Variants in PDZD2 observed in about 807,000 individuals in gnomAD.
PDZD2 encodes the protein PDZ domain-containing protein 2.
In PDZD2, 90 loss-of-function variants were observed where a neutral mutation model predicts 220.7. The ratio of observed to expected loss-of-function variants is 0.41; its 90% CI spans 0.34 to 0.49. PDZD2 has a LOEUF of 0.49. PDZD2 is among the 20% of genes least tolerant of loss of function. The probability of loss-of-function intolerance (pLI) is 0.28; values close to 1 mark genes in which losing one functional copy is unlikely to be tolerated. For synonymous variants in PDZD2, 1,375 were observed against 1,450.5 expected (o/e 0.95, Z 1.18); for missense variants, 3,174 against 3,608.5 (o/e 0.88, Z 3.08).
chr5:31,836,406 A>G (rs1756944319), intron 2 of PDZD2, among the ~76,000 whole-genome samples: 1 of 151,694 alleles, frequency 6.6e-6, no homozygotes. Context: ...TAATTTTTGT[A>G]TTGTAAAGAC....
At chr5:31,839,466 G>C (rs533139516) in intron 2 of PDZD2, among the ~76,000 whole-genome samples, 3 of 152,296 alleles carry the variant, frequency 2.0e-5, no homozygotes, top group African/African-American at 7.2e-5. Context: ...TGGTTCATGA[G>C]CACATTTAAG....
intron 2 of PDZD2, among the ~76,000 whole-genome samples, chr5:31,881,487 C>A (rs1375830975): frequency 6.6e-6 from 1 of 151,560 alleles, no homozygotes; most frequent in African/African-American, 2.4e-5. Context: ...AAGCCATTCT[C>A]CTGCCTCAGC....
At chr5:31,847,354 C>T (rs979817070) in intron 2 of PDZD2, 2 of 409,294 alleles carry the variant, frequency 4.9e-6, no homozygotes, top group African/African-American at 2.0e-5. Context: ...AGGGTAAAAC[C>T]GATTACTATG....
At chr5:31,713,312 T>C (rs988996911) in intron 1 of PDZD2, among the ~76,000 whole-genome samples, 5 of 152,234 alleles carry the variant, frequency 3.3e-5, no homozygotes, top group Middle Eastern at 3.2e-3. Context: ...TACGCTCTGC[T>C]GGACGACCCT....
Position 31,923,708 on chromosome 5 carries a change from C to T in PDZD2, c.477-59447C>T, listed in dbSNP as rs940516097. Reference sequence around the variant, plus strand: ...TGTACTAACTTATGATAGAATGTATCAGAATAAATGTTTTTAACAATGTTA... The same window carrying T: ...TGTACTAACTTATGATAGAATGTATTAGAATAAATGTTTTTAACAATGTTA... On this transcript the variant is annotated intron_variant, in intron 2 of 24. Coordinates refer to ENST00000438447, the MANE Select transcript of PDZD2 (RefSeq NM_178140.4). Among the ~76,000 whole-genome samples, 7 of 152,076 alleles carry T rather than the reference C, an allele frequency of 4.6e-5. 1 individual carries two copies. Among genetic ancestry groups the T allele is most frequent in the Admixed American group, 2.0e-4 (3 of 15,266 alleles).
chr5:31,932,934 G>A (rs959139425), intron 2 of PDZD2, among the ~76,000 whole-genome samples: 7 of 150,222 alleles, frequency 4.7e-5, no homozygotes, highest in African/African-American at 1.7e-4. Context: ...TTTTAAGACA[G>A]AGTTTCGCTC....
At chr5:31,963,809 C>G (rs1361711430) in intron 2 of PDZD2, among the ~76,000 whole-genome samples, 3 of 152,064 alleles carry the variant, frequency 2.0e-5, no homozygotes, top group African/African-American at 7.2e-5. Flanking sequence ...TGCAGTTAGC[C>G]CCACTCTGTG....
Position 31,983,467 on chromosome 5 carries a change from C to T in PDZD2, c.789C>T (p.Val263=), listed in dbSNP as rs267600600. The change falls in exon 3 of 25, where the codon GTC becomes GTT. Residue 263 remains valine (V), a synonymous_variant. Coordinates refer to ENST00000438447, the MANE Select transcript of PDZD2 (RefSeq NM_178140.4). ...GPDPELGNGH[V]FQLENGPDSL... is the part of the protein sequence containing the mutation. ...ACCCTGAACTTGGAAACGGCCATGT[C>T]TTTCAGCTAGAAAATGGCCCAGATT... The T allele has an allele frequency of 6.2e-7, 1 of 1,614,064 alleles. No individual in the cohort carries two copies. The highest frequency in any genetic ancestry group is 1.7e-5 in the Admixed American group (1 of 60,002).
chr5:32,081,954 G>GT (rs1253374329), intron 19 of PDZD2, among the ~76,000 whole-genome samples: 1 of 151,512 alleles, frequency 6.6e-6, no homozygotes, highest in African/African-American at 2.4e-5. Context: ...TCCTGAACTC[G>GT]TGATCTGCCC....
chr5:31,857,200 C>T (rs1483846559), intron 2 of PDZD2, among the ~76,000 whole-genome samples: 1 of 152,106 alleles, frequency 6.6e-6, no homozygotes, highest in African/African-American at 2.4e-5. Context: ...ACTCTTTGCA[C>T]TTATTTCTAG....
intron 2 of PDZD2, among the ~76,000 whole-genome samples, chr5:31,907,940 A>C (rs972680567): frequency 5.3e-5 from 8 of 151,884 alleles, no homozygotes; most frequent in African/African-American, 1.9e-4. Flanking sequence ...AAAATTAGCC[A>C]GGCATGGTGG....
chr5:31,914,735 C>T (rs1581066161), intron 2 of PDZD2, among the ~76,000 whole-genome samples: 2 of 152,300 alleles, frequency 1.3e-5, no homozygotes, highest in Non-Finnish European at 2.9e-5. Flanking sequence ...AATTCAGTGA[C>T]AAAGACTGTT....
chr5:31,773,289 C>T (rs1466851150), intron 1 of PDZD2, among the ~76,000 whole-genome samples: 1 of 152,114 alleles, frequency 6.6e-6, no homozygotes, highest in Non-Finnish European at 1.5e-5. Context: ...AATGGGAGCT[C>T]AAGTTTCATT....
intron 5 of PDZD2, among the ~76,000 whole-genome samples, chr5:32,002,567 T>A (rs1752219365): frequency 6.7e-6 from 1 of 149,590 alleles, no homozygotes; most frequent in Non-Finnish European, 1.5e-5. Flanking sequence ...TTGGGTCTTA[T>A]ACACACACAC....
intron 5 of PDZD2, among the ~76,000 whole-genome samples, chr5:32,007,211 C>T (rs1430127772): frequency 6.6e-6 from 1 of 152,006 alleles, no homozygotes; most frequent in Non-Finnish European, 1.5e-5. Flanking sequence ...AGCCACCGCG[C>T]CCGGCCTGCC....
In PDZD2 at chr5:31,910,486, G is replaced by A. The variant is rs901655338; in HGVS notation, c.477-72669G>A. Among the ~76,000 whole-genome samples, 3 of 150,084 alleles carry A rather than the reference G, an allele frequency of 2.0e-5. No homozygotes were observed. The South Asian group carries it at 6.3e-4, about 31-fold the overall frequency. ...CAGTTGCGCAAATTCCGCCTCCTGG[G>A]TTCAAGCGATTCTCTTGCCTCAGCC... On this transcript the variant is annotated intron_variant, in intron 2 of 24. Coordinates refer to ENST00000438447, the MANE Select transcript of PDZD2 (RefSeq NM_178140.4).
rs897756699 is a variant in PDZD2 at position 32,097,151 on chromosome 5, G to A, written c.7846-128G>A. On this transcript the variant is annotated intron_variant, in intron 21 of 24. Transcript: ENST00000438447. ...GAGAGCCAAAGAACCTTTAGGGCCT[G>A]TGGTGAAAAGCCCCTCCAAGAGGAC... The A allele has an allele frequency of 8.6e-5, 57 of 665,962 alleles. No individual in the cohort carries two copies. In the African/African-American group the frequency reaches 9.2e-4, roughly 11 times the overall value. The allele number at this position is 665,962 out of a possible 1,614,324, so 41.3% of individuals were successfully genotyped here. A position where few individuals can be genotyped will look rare whatever the true frequency, so the allele number is the denominator to read the frequency against.
intron 2 of PDZD2, among the ~76,000 whole-genome samples, chr5:31,943,310 G>C (rs1746369413): frequency 6.6e-6 from 1 of 152,084 alleles, no homozygotes; most frequent in African/African-American, 2.4e-5. Flanking sequence ...CTTATTCTTG[G>C]CAAGAAAACT....
At chr5:31,953,174 C>T (rs956499019) in intron 2 of PDZD2, among the ~76,000 whole-genome samples, 6 of 151,640 alleles carry the variant, frequency 4.0e-5, no homozygotes, top group Admixed American at 6.6e-5. Flanking sequence ...AACTGACACA[C>T]AGATCAGTGG....
Sources: allele counts gnomAD v4.1 joint callset (sites outside exome capture counted in the v4.1 genomes callset), GRCh38; gene constraint gnomAD v4.1.1; transcripts MANE v1.5; gene names NCBI Gene and HGNC (gene_info 2026-07-23, HGNC 2026-07-21).